Variants in MAP2K1 observed in about 807,000 individuals in gnomAD.
The protein encoded by MAP2K1 is mitogen-activated protein kinase kinase 1.
A neutral mutation model predicts 46.3 loss-of-function variants in MAP2K1; 16 were observed. The ratio of observed to expected loss-of-function variants is 0.35; its 90% confidence interval spans 0.23 to 0.52. The LOEUF (loss-of-function observed/expected upper bound fraction) is 0.52. MAP2K1 is among the 20% of genes least tolerant of loss of function. The pLI is 0.94. For missense variants in MAP2K1, 263 were observed against 497.1 expected, an observed-to-expected ratio of 0.53 and a Z score of 4.48; for synonymous variants, 183 against 185.6, an observed-to-expected ratio of 0.99 and a Z score of 0.11.
At chr15:66,416,601 C>A (rs77515996) in intron 1 of MAP2K1, among the ~76,000 whole-genome samples, 30,891 of 152,160 alleles carry the variant, frequency 0.2, 3,821 homozygotes, top group Middle Eastern at 0.32. Context: ...AGATTCTCAT[C>A]ATCAGTTCTG....
intron 8 of MAP2K1, 66 bp from the exon 9 acceptor site, chr15:66,489,149 G>A: frequency 2.4e-6 from 3 of 1,267,242 alleles, no homozygotes; most frequent in Non-Finnish European, 2.3e-6. Flanking sequence ...GGAGGGGTGG[G>A]ATGGGGAGAG....
chr15:66,471,456 G>A (rs772684529), intron 5 of MAP2K1, among the ~76,000 whole-genome samples: 24 of 152,114 alleles, frequency 1.6e-4, no homozygotes, highest in Non-Finnish European at 8.8e-5. Flanking sequence ...CTGGGCTGGG[G>A]CCACAGAGCT....
intron 5 of MAP2K1, among the ~76,000 whole-genome samples, chr15:66,448,443 A>G (rs1454495590): frequency 6.6e-6 from 1 of 152,190 alleles, no homozygotes; most frequent in Non-Finnish European, 1.5e-5. Flanking sequence ...GTGAGTAGCT[A>G]GGTGGGCTGT....
chr15:66,428,865 C>T (rs28635975), intron 1 of MAP2K1, among the ~76,000 whole-genome samples: 41,250 of 148,486 alleles, frequency 0.28, 6,380 homozygotes, highest in South Asian at 0.37. Flanking sequence ...CTGCGACCTC[C>T]GCCTCCCAGG....
At chr15:66,389,872 T>C (rs2086593042) in intron 1 of MAP2K1, among the ~76,000 whole-genome samples, 1 of 152,182 alleles carries the variant, frequency 6.6e-6, no homozygotes, top group African/African-American at 2.4e-5. Context: ...TGTGGTTTTG[T>C]GACCTGGTTC....
intron 1 of MAP2K1, among the ~76,000 whole-genome samples, chr15:66,413,507 TTAAG>T (rs1212666304): frequency 2.0e-5 from 3 of 152,218 alleles, no homozygotes; most frequent in South Asian, 2.1e-4. Context: ...AATTATGAAC[TTAAG>T]TAATAAGAAA....
At chr15:66,474,997 GC>G (rs1462481316) in intron 5 of MAP2K1, among the ~76,000 whole-genome samples, 1 of 151,832 alleles carries the variant, frequency 6.6e-6, no homozygotes, top group Non-Finnish European at 1.5e-5. Context: ...TGCTAGGCTC[GC>G]CTGCACCTCT....
chr15:66,428,711 G>T (rs2093466558), intron 1 of MAP2K1, among the ~76,000 whole-genome samples: 1 of 150,490 alleles, frequency 6.6e-6, no homozygotes. Flanking sequence ...CCCCTGAAGG[G>T]TAATCACTTT....
At chr15:66,436,605 G>T in intron 2 of MAP2K1, 141 bp from the exon 3 acceptor site, 1 of 818,876 alleles carries the variant, frequency 1.2e-6, no homozygotes, top group East Asian at 2.6e-5. Context: ...TTTCTTGGTT[G>T]AGCAGAAACT....
Position 66,436,728 on chromosome 15 carries a change from T to C in MAP2K1, c.292-18T>C, listed in dbSNP as rs1337154710. On this transcript the variant is annotated intron_variant, in intron 2 of 10. Coordinates refer to ENST00000307102, the MANE Select transcript of MAP2K1 (RefSeq NM_002755.4). ...CTCTTTCTTTCATAAAACCTCTCTT[T>C]CTTCCACCTTTCTCCAGCTAATTCA... The C allele has an allele frequency of 6.2e-7, 1 of 1,613,650 alleles. No homozygotes were observed. The highest frequency in any genetic ancestry group is 1.3e-5 in the African/African-American group (1 of 75,030).
chr15:66,421,778 G>T (rs1348973478), intron 1 of MAP2K1, among the ~76,000 whole-genome samples: 1 of 148,918 alleles, frequency 6.7e-6, no homozygotes, highest in African/African-American at 2.5e-5. Context: ...CAGCTTGGGT[G>T]ACAGAGTGAC....
intron 5 of MAP2K1, among the ~76,000 whole-genome samples, chr15:66,454,324 G>C (rs1000230952): frequency 2.0e-5 from 3 of 152,186 alleles, no homozygotes; most frequent in African/African-American, 7.2e-5. Flanking sequence ...TAAAGTTGAA[G>C]GTTCAAATTG....
chr15:66,470,329 A>G (rs1048863728), intron 5 of MAP2K1, among the ~76,000 whole-genome samples: 1 of 152,098 alleles, frequency 6.6e-6, no homozygotes, highest in African/African-American at 2.4e-5. Context: ...GCTGGTTGTT[A>G]ATCATAACTG....
In MAP2K1 at chr15:66,387,149, C is replaced by A; in HGVS notation, c.-199C>A. The stretch of plus-strand genomic sequence containing the variant: ...TCTGCGCGCGAAGCCGAGTCCCGGG[C>A]GGGTGGGGCGGGGGTCCACTGAGAC... On this transcript the variant is annotated 5_prime_UTR_variant, in exon 1 of 11. Coordinates refer to ENST00000307102, the MANE Select transcript of MAP2K1 (RefSeq NM_002755.4). 2.8e-6 allele frequency: 1 copy of A among 359,198 alleles called. No individual in the cohort carries two copies. Among genetic ancestry groups the A allele is most frequent in the Non-Finnish European group, 5.0e-6 (1 of 201,116 alleles). The allele number at this position is 359,198 out of a possible 1,614,324, so 22.3% of individuals were successfully genotyped here.
chr15:66,436,736 C>G lies in MAP2K1; in HGVS notation c.292-10C>G, dbSNP rs1484030915. On this transcript the variant is annotated splice_polypyrimidine_tract_variant and intron_variant, in intron 2 of 10. Coordinates refer to ENST00000307102, the MANE Select transcript of MAP2K1 (RefSeq NM_002755.4). ...TTCATAAAACCTCTCTTTCTTCCACCTTTCTCCAGCTAATTCATCTGGAGA... is the reference window on the plus strand; with the variant it reads ...TTCATAAAACCTCTCTTTCTTCCACGTTTCTCCAGCTAATTCATCTGGAGA... 1 of 1,613,790 alleles carries G rather than the reference C, an allele frequency of 6.2e-7. No homozygotes were observed. Among genetic ancestry groups the G allele is most frequent in the Non-Finnish European group, 8.5e-7 (1 of 1,179,810 alleles).
At chr15:66,461,484 A>ATAAATAAG (rs72414828) in intron 5 of MAP2K1, among the ~76,000 whole-genome samples, 1 of 137,462 alleles carries the variant, frequency 7.3e-6, no homozygotes, top group African/African-American at 3.2e-5. Flanking sequence ...CTCTAAATAA[A>ATAAATAAG]TAAATAAATA....
chr15:66,473,206 A>T (rs1892680962), intron 5 of MAP2K1, among the ~76,000 whole-genome samples: 1 of 152,120 alleles, frequency 6.6e-6, no homozygotes, highest in African/African-American at 2.4e-5. Context: ...TTGGCAAGAG[A>T]TTTTATCCTC....
chr15:66,457,715 A>G (rs1331385815), intron 5 of MAP2K1, among the ~76,000 whole-genome samples: 1 of 152,072 alleles, frequency 6.6e-6, no homozygotes, highest in Non-Finnish European at 1.5e-5. Context: ...TAATCCCAGC[A>G]CTTTGGGAGA....
intron 1 of MAP2K1, among the ~76,000 whole-genome samples, chr15:66,429,024 C>T (rs1222839377): frequency 6.6e-6 from 1 of 151,980 alleles, no homozygotes; most frequent in Non-Finnish European, 1.5e-5. Context: ...AAGTGATCCT[C>T]CCGCCTCGGC....
Sources: gnomAD v4.1 joint callset for allele counts (sites outside exome capture counted in the v4.1 genomes callset) on GRCh38, gnomAD v4.1.1 for gene constraint, MANE v1.5 for transcripts, NCBI Gene and HGNC (gene_info 2026-07-23, HGNC 2026-07-21) for gene names.